WFDC3: variants seen among roughly 807,000 people sequenced by gnomAD.
WFDC3 encodes WAP four-disulfide core domain protein 3.
WFDC3 carries 15 observed loss-of-function variants against 25.8 expected under a neutral mutation model. The ratio of observed to expected loss-of-function variants is 0.58; its 90% confidence interval spans 0.39 to 0.89. The LOEUF (loss-of-function observed/expected upper bound fraction) is 0.89. WFDC3 is among the 40% of genes least tolerant of loss of function. WFDC3 has a pLI of 0.00. For synonymous variants in WFDC3, 103 were observed against 107.1 expected, an observed-to-expected ratio of 0.96 and a Z score of 0.24; for missense variants, 264 against 289.8, an observed-to-expected ratio of 0.91 and a Z score of 0.65.
Position 45,782,612 on chromosome 20 carries a change from G to A in WFDC3, c.358+5224C>T, listed in dbSNP as rs149821414. On this transcript the variant is annotated intron_variant, in intron 4 of 6. Coordinates refer to ENST00000243938, the MANE Select transcript of WFDC3 (RefSeq NM_080614.2). ...AGGCTGGTCTCAAACTCCTGACCTC[G>A]TGATCTGCCCGCATTGGCCTCCCAA... Among the ~76,000 whole-genome samples the A allele has an allele frequency of 1.8e-3, 277 of 152,076 alleles. 13 individuals are homozygous for A. The East Asian group carries it at 0.051, about 28-fold the overall frequency.
At chr20:45,776,656 A>ATGTGTGTGTGTG (rs1482229487) in intron 5 of WFDC3, among the ~76,000 whole-genome samples, 2 of 104,938 alleles carry the variant, frequency 1.9e-5, no homozygotes, top group African/African-American at 7.1e-5. Context: ...ATATATATAT[A>ATGTGTGTGTGTG]TATATGTGTG....
At chr20:45,777,359 G>A (rs902317775) in intron 4 of WFDC3, 150 bp from the exon 5 acceptor site, 1 of 967,858 alleles carries the variant, frequency 1.0e-6, no homozygotes. Flanking sequence ...CAATACATCT[G>A]ATTTTTTTTA....
chr20:45,775,875 G>T (rs867518857), intron 5 of WFDC3, among the ~76,000 whole-genome samples: 1 of 151,748 alleles, frequency 6.6e-6, no homozygotes, highest in Non-Finnish European at 1.5e-5. Context: ...TGGGGTGGGG[G>T]TGGGTGAAGT....
At chr20:45,785,186 A>C (rs1423544724) in intron 4 of WFDC3, among the ~76,000 whole-genome samples, 1 of 152,170 alleles carries the variant, frequency 6.6e-6, no homozygotes, top group African/African-American at 2.4e-5. Context: ...AGGATTCAAC[A>C]TAGGCCAGGC....
intron 2 of WFDC3, among the ~76,000 whole-genome samples, 158 bp downstream of exon 2, chr20:45,789,736 C>T (rs1601019540): frequency 6.6e-6 from 1 of 152,104 alleles, no homozygotes; most frequent in Admixed American, 6.6e-5. Flanking sequence ...AAGAATGACC[C>T]AGGCCATCCT....
At chr20:45,791,368 C>G (rs1423912775) in intron 1 of WFDC3, among the ~76,000 whole-genome samples, 1 of 147,604 alleles carries the variant, frequency 6.8e-6, no homozygotes, top group African/African-American at 2.5e-5. Context: ...GTGATCTCGG[C>G]TCACTGCAAC....
Position 45,777,113 on chromosome 20 carries a change from G to A in WFDC3, c.455C>T (p.Thr152Ile), listed in dbSNP as rs775654046. The change falls in exon 5 of 7, where the codon ACC becomes ATC. Residue 152 changes from threonine to isoleucine, a missense_variant. Physicochemically the swap from Thr to Ile is moderately conservative, Grantham distance 89 (BLOSUM62 -1). Transcript: ENST00000243938. Reference sequence around the variant, plus strand: ...TCCGAGGCAGGTGCGGCCACAGCCGGTGCTGCAGCATTTATGCCCCTGGGG... The same window carrying A: ...TCCGAGGCAGGTGCGGCCACAGCCGATGCTGCAGCATTTATGCCCCTGGGG... ...SCPQGHKCCS[T>I]GCGRTCLGDI... 2 of 1,612,246 alleles carry A rather than the reference G, an allele frequency of 1.2e-6. No individual in the cohort carries two copies. The highest frequency in any genetic ancestry group is 1.3e-5 in the African/African-American group (1 of 74,706).
At position 45,774,367 on chromosome 20, in the gene WFDC3, C is replaced by T; in HGVS notation, c.*61G>A. ...GTCACAAGCCCCAGGATGTCACCCT[C>T]TCTTGACTGCCAGGAAAAGCTTCCA... On this transcript the variant is annotated 3_prime_UTR_variant, in exon 7 of 7. Coordinates refer to ENST00000243938, the MANE Select transcript of WFDC3 (RefSeq NM_080614.2). 6 of 1,613,340 alleles carry T rather than the reference C, an allele frequency of 3.7e-6. No homozygotes were observed. In the Admixed American group the frequency reaches 8.3e-5, roughly 22 times the overall value.
At chr20:45,776,635 AAT>A (rs71181857) in intron 5 of WFDC3, among the ~76,000 whole-genome samples, 1,882 of 92,634 alleles carry the variant, frequency 0.02, 34 homozygotes, top group South Asian at 0.035. Flanking sequence ...AAAAAAAAAA[AAT>A]ATATATATAT....
At position 45,788,946 on chromosome 20, in the gene WFDC3, G is replaced by A. The variant is rs1171816324; in HGVS notation, c.196C>T (p.Arg66Ter). 2.1e-5 allele frequency: 34 copies of A among 1,612,004 alleles called. No homozygotes were observed. Among genetic ancestry groups the A allele is most frequent in the Middle Eastern group, 3.3e-4 (2 of 6,046 alleles). The change falls in exon 3 of 7, where the codon CGA (arginine) becomes TGA (stop). Residue 66 changes from arginine to a stop codon, truncating the protein, a stop_gained. Transcript: ENST00000243938. LOFTEE classifies it high-confidence loss of function. Reference protein sequence around the residue: ...CCTTGCGRICRDIPKGRKRDC... With the variant: ...CCTTGCGRIC Reference sequence around the variant, plus strand: ...GCCAACATACCCTTAGGAATGTCTCGGCAGATCCGACCACAGCCTGTGGTG... The same window carrying A: ...GCCAACATACCCTTAGGAATGTCTCAGCAGATCCGACCACAGCCTGTGGTG...
chr20:45,791,041 A>T (rs1437612037), intron 1 of WFDC3: 7 of 451,114 alleles, frequency 1.6e-5, no homozygotes, highest in South Asian at 1.1e-4. Flanking sequence ...TCCTATGGGC[A>T]GGTACAAGGT....
intron 1 of WFDC3, 61 bp downstream of exon 1, chr20:45,791,771 C>G (rs1482938650): frequency 5.3e-6 from 2 of 375,592 alleles, no homozygotes. Context: ...CCACTGAACA[C>G]CCACACTGCA....
chr20:45,774,942 CAAA>C (rs3080049), intron 6 of WFDC3, among the ~76,000 whole-genome samples: 116 of 118,156 alleles, frequency 9.8e-4, no homozygotes, highest in Middle Eastern at 4.6e-3. Context: ...AACTCCATCT[CAAA>C]AAAAAAAAAA....
At chr20:45,791,715 C>T in intron 1 of WFDC3, 117 bp downstream of exon 1, 1 of 316,474 alleles carries the variant, frequency 3.2e-6, no homozygotes, top group Non-Finnish European at 5.7e-6. Context: ...ACCCCGCAGT[C>T]ATCCCCAGGC....
In WFDC3 at chr20:45,774,261, C is replaced by A. The variant is rs546095396; in HGVS notation, c.*167G>T. On this transcript the variant is annotated 3_prime_UTR_variant, in exon 7 of 7. Coordinates refer to ENST00000243938, the MANE Select transcript of WFDC3 (RefSeq NM_080614.2). ...AGAGAAGCACCACACACCCACTACC[C>A]AATCCAGGGCTATTTCCCATGCTCT... 22 of 884,338 alleles carry A rather than the reference C, an allele frequency of 2.5e-5. No individual in the cohort carries two copies. In the African/African-American group the frequency reaches 3.3e-4, roughly 13 times the overall value. The allele number at this position is 884,338 out of a possible 1,614,324, so 54.8% of individuals were successfully genotyped here.
At chr20:45,789,240 C>T (rs903630599) in intron 2 of WFDC3, among the ~76,000 whole-genome samples, 181 bp from the exon 3 acceptor site, 32 of 149,132 alleles carry the variant, frequency 2.1e-4, no homozygotes, top group African/African-American at 7.7e-4. Flanking sequence ...GGCACGATAG[C>T]TCATGCCTGT....
chr20:45,791,211 T>C (rs2145693639), intron 1 of WFDC3, among the ~76,000 whole-genome samples: 1 of 129,086 alleles, frequency 7.7e-6, no homozygotes, highest in African/African-American at 3.0e-5. Flanking sequence ...TGAGACAGAG[T>C]CTCCCTCTGT....
In WFDC3 at chr20:45,775,495, G is replaced by A. The variant is rs368302535; in HGVS notation, c.601C>T (p.Arg201Cys). Reference protein sequence around the residue: ...GEKCCKSGCGRFCVPPVLPPK... With the variant: ...GEKCCKSGCGCFCVPPVLPPK... The stretch of plus-strand genomic sequence containing the variant: ...GGCAGGACTGGTGGGACACAGAAGC[G>A]GCCACAGCCTGACTTGCAACATTTT... Residue 201 changes from arginine to cysteine, a missense_variant, in exon 6 of 7, where the codon CGC (arginine) becomes TGC (cysteine). Coordinates refer to ENST00000243938, the MANE Select transcript of WFDC3 (RefSeq NM_080614.2). 3.9e-5 allele frequency: 63 copies of A among 1,614,054 alleles called. No individual in the cohort carries two copies. Among genetic ancestry groups the A allele is most frequent in the Non-Finnish European group, 5.0e-5 (59 of 1,180,024 alleles).
Position 45,782,010 on chromosome 20 carries a change from C to T in WFDC3, c.359-4801G>A, listed in dbSNP as rs1347812008. On this transcript the variant is annotated intron_variant, in intron 4 of 6. Coordinates refer to ENST00000243938, the MANE Select transcript of WFDC3 (RefSeq NM_080614.2). Reference sequence around the variant, plus strand: ...CCAGGGAGGCCATGCCATCAGCCCACGTAAAAGATAATACATATATGTTAA... The same window carrying T: ...CCAGGGAGGCCATGCCATCAGCCCATGTAAAAGATAATACATATATGTTAA... 4.6e-5 allele frequency among the ~76,000 whole-genome samples: 7 copies of T among 152,188 alleles called. No homozygotes were observed. In the South Asian group the frequency reaches 1.5e-3, roughly 32 times the overall value.
Sources: allele counts gnomAD v4.1 joint callset (sites outside exome capture counted in the v4.1 genomes callset), GRCh38; gene constraint gnomAD v4.1.1; transcripts MANE v1.5; gene names NCBI Gene and HGNC (gene_info 2026-07-23, HGNC 2026-07-21).